HNF1B: variants seen among roughly 807,000 people sequenced by gnomAD.
The protein encoded by HNF1B is HNF1 homeobox B.
HNF1B carries 8 observed loss-of-function variants against 61.7 expected under a neutral mutation model. The observed-to-expected ratio is 0.13, with a 90% CI of 0.08 to 0.23. The LOEUF is 0.23. Among genes scored for constraint, HNF1B ranks in the 10% least tolerant of loss-of-function variants. The probability of loss-of-function intolerance (pLI) is 1.00; values close to 1 mark genes in which losing one functional copy is unlikely to be tolerated. For synonymous variants in HNF1B, 314 were observed against 287.7 expected (o/e 1.09, Z -0.93); for missense variants, 562 against 714.5 (o/e 0.79, Z 2.43).
At chr17:37,721,719 C>CTT (rs200443525) in intron 4 of HNF1B, among the ~76,000 whole-genome samples, 24 of 144,472 alleles carry the variant, frequency 1.7e-4, no homozygotes, top group East Asian at 2.0e-4. Context: ...ATCTCTCTCT[C>CTT]TTTTTTTTTT....
At chr17:37,694,199 A>G (rs1208196209) in intron 8 of HNF1B, among the ~76,000 whole-genome samples, 4 of 152,138 alleles carry the variant, frequency 2.6e-5, no homozygotes, top group South Asian at 2.1e-4. Context: ...AGGCTGAGGC[A>G]GGTGGATCAC....
intron 4 of HNF1B, chr17:37,730,537 G>A (rs1172810983): frequency 6.6e-6 from 1 of 152,072 alleles, no homozygotes; most frequent in African/African-American, 2.4e-5. Context: ...ACAAATGCTT[G>A]TACACCACCC....
Position 37,687,325 on chromosome 17 carries a change from A to C in HNF1B, c.*47T>G, listed in dbSNP as rs8068014. 8,080 of 1,614,022 alleles carry C rather than the reference A, an allele frequency of 5.0e-3. 372 individuals carry two copies. The African/African-American group carries it at 0.096, about 19-fold the overall frequency. On this transcript the variant is annotated 3_prime_UTR_variant, in exon 9 of 9. Transcript: ENST00000617811. Reference sequence around the variant, plus strand: ...AGCTGCCCAGAGGGTGATGGTGTGGAAAACAGGGTCCTTGTTGTTGCGCAC... The same window carrying C: ...AGCTGCCCAGAGGGTGATGGTGTGGCAAACAGGGTCCTTGTTGTTGCGCAC...
chr17:37,694,001 C>G (rs964653112), intron 8 of HNF1B, among the ~76,000 whole-genome samples: 2 of 152,236 alleles, frequency 1.3e-5, no homozygotes, highest in Non-Finnish European at 2.9e-5. Context: ...GATGCTGGCA[C>G]CACAACCTGC....
chr17:37,741,943 AC>A (rs1349095046), intron 1 of HNF1B, among the ~76,000 whole-genome samples: 1 of 152,120 alleles, frequency 6.6e-6, no homozygotes, highest in African/African-American at 2.4e-5. Flanking sequence ...CAACCCTCTG[AC>A]CCCAAAATTC....
rs886052891 is a variant in HNF1B at position 37,701,099 on chromosome 17, T to C, written c.1418A>G (p.Gln473Arg). The change falls in exon 7 of 9, where the codon CAG (glutamine) becomes CGG (arginine). Residue 473 changes from glutamine (Q) to arginine (R), a missense_variant. Gln to Arg is a conservative substitution (Grantham distance 43). This residue lies in a region of HNF1B where 211 missense variants were observed against 200.7 expected (regional missense o/e 1.05). Coordinates refer to ENST00000617811, the MANE Select transcript of HNF1B (RefSeq NM_000458.4). ...AGGGCTGTGCAGCTGCTGGGAGAACTGGACGGGCTGCAGGGCTGCCAGGCT... is the reference window on the plus strand; with the variant it reads ...AGGGCTGTGCAGCTGCTGGGAGAACCGGACGGGCTGCAGGGCTGCCAGGCT... Reference protein sequence around the residue: ...AGSLAALQPVQFSQQLHSPHQ... With the variant: ...AGSLAALQPVRFSQQLHSPHQ... 1.9e-6 allele frequency: 3 copies of C among 1,553,240 alleles called. No individual in the cohort carries two copies. Among genetic ancestry groups the C allele is most frequent in the Non-Finnish European group, 1.7e-6 (2 of 1,148,114 alleles).
rs2032555583 is a variant in HNF1B, at chr17:37,701,113, G to C, written c.1404C>G (p.Ala468=). 6.4e-7 allele frequency: 1 copy of C among 1,552,228 alleles called. No individual in the cohort carries two copies. Among genetic ancestry groups the C allele is most frequent in the Admixed American group, 2.0e-5 (1 of 51,154 alleles). ...GCTGGGAGAACTGGACGGGCTGCAG[G>C]GCTGCCAGGCTGCCGGCCACACTGT... ...VINSVAGSLA[A]LQPVQFSQQL... is the part of the protein sequence containing the mutation. The change falls in exon 7 of 9, where the codon GCC becomes GCG. Residue 468 remains alanine (A), a synonymous_variant. Coordinates refer to ENST00000617811, the MANE Select transcript of HNF1B (RefSeq NM_000458.4).
At chr17:37,739,205 C>T (rs2033918138) in intron 2 of HNF1B, among the ~76,000 whole-genome samples, 3 of 152,176 alleles carry the variant, frequency 2.0e-5, no homozygotes, top group South Asian at 4.1e-4. Flanking sequence ...ATGCTGCATA[C>T]ACTGACAGGC....
intron 4 of HNF1B, among the ~76,000 whole-genome samples, chr17:37,722,966 C>A (rs533818611): frequency 2.2e-4 from 33 of 152,250 alleles, no homozygotes; most frequent in African/African-American, 7.7e-4. Flanking sequence ...ACATCCCACA[C>A]CCCTCTACCT....
At chr17:37,734,253 T>C (rs1223861734) in intron 2 of HNF1B, among the ~76,000 whole-genome samples, 2 of 152,166 alleles carry the variant, frequency 1.3e-5, no homozygotes, top group Non-Finnish European at 2.9e-5. Flanking sequence ...AGGCTGTAGA[T>C]AGCACTCCCC....
intron 5 of HNF1B, among the ~76,000 whole-genome samples, chr17:37,708,264 A>G (rs1411045994): frequency 6.6e-6 from 1 of 152,244 alleles, no homozygotes; most frequent in East Asian, 1.9e-4. Context: ...TGGACCTCTG[A>G]TGATAGTGAC....
chr17:37,707,152 A>G (rs1225145116), intron 5 of HNF1B, among the ~76,000 whole-genome samples: 1 of 147,644 alleles, frequency 6.8e-6, no homozygotes, highest in Non-Finnish European at 1.5e-5. Flanking sequence ...GTCTTACTCT[A>G]TCGCCAAGGC....
At chr17:37,717,377 CCT>C (rs559227654) in intron 4 of HNF1B, among the ~76,000 whole-genome samples, 201 of 152,302 alleles carry the variant, frequency 1.3e-3, no homozygotes, top group Non-Finnish European at 2.3e-3. Flanking sequence ...ACATTCTTCC[CCT>C]GTGTTTCTAA....
At chr17:37,714,525 C>A (rs192262742) in intron 4 of HNF1B, among the ~76,000 whole-genome samples, 110 of 152,294 alleles carry the variant, frequency 7.2e-4, no homozygotes, top group Admixed American at 1.3e-3. Context: ...CTAGCTCAAG[C>A]CACTCACTGG....
intron 4 of HNF1B, chr17:37,728,576 G>C (rs903336538): frequency 5.3e-5 from 8 of 151,444 alleles, no homozygotes; most frequent in African/African-American, 1.9e-4. Flanking sequence ...AAAGTGCTGG[G>C]ATTACAGGCG....
chr17:37,732,398 C>T (rs749756543), intron 3 of HNF1B, among the ~76,000 whole-genome samples: 4 of 152,132 alleles, frequency 2.6e-5, no homozygotes, highest in Non-Finnish European at 5.9e-5. Flanking sequence ...AAACCAGGTG[C>T]GAGAGATTCT....
At chr17:37,744,503 G>A in intron 1 of HNF1B, 38 bp downstream of exon 1, 1 of 1,591,744 alleles carries the variant, frequency 6.3e-7, no homozygotes, top group South Asian at 1.1e-5. Flanking sequence ...GGGCTCCAGG[G>A]GTTCGGGTGG....
At chr17:37,736,330 CG>C (rs1313994616) in intron 2 of HNF1B, among the ~76,000 whole-genome samples, 7 of 152,238 alleles carry the variant, frequency 4.6e-5, no homozygotes, top group Non-Finnish European at 8.8e-5. Context: ...GACACAATAA[CG>C]GTTCACATTT....
chr17:37,717,863 T>C (rs1432268095), intron 4 of HNF1B, among the ~76,000 whole-genome samples: 2 of 152,202 alleles, frequency 1.3e-5, no homozygotes, highest in Non-Finnish European at 2.9e-5. Flanking sequence ...TCTGAGAGGA[T>C]ACAGATTCAT....
Sources: allele counts gnomAD v4.1 joint callset (sites outside exome capture counted in the v4.1 genomes callset), GRCh38; gene constraint gnomAD v4.1.1; regional missense constraint gnomAD v4.1.1; transcripts MANE v1.5; gene names NCBI Gene and HGNC (gene_info 2026-07-23, HGNC 2026-07-21).